EPHA7: variants seen among roughly 807,000 people sequenced by gnomAD.
The protein encoded by EPHA7 is EPH receptor A7, also known as ephrin type-A receptor 7.
EPHA7 carries 25 observed loss-of-function variants against 112.6 expected under a neutral mutation model. The observed-to-expected ratio is 0.22, with a 90% CI of 0.16 to 0.31. EPHA7 has a LOEUF of 0.31. Ranked by LOEUF, EPHA7 falls within the 10% of genes least tolerant of loss-of-function variation. The pLI is 1.00. For missense variants in EPHA7, 962 were observed against 1,212.6 expected (o/e 0.79, Z 3.07); for synonymous variants, 437 against 406.5 (o/e 1.07, Z -0.90).
rs747133463 is a variant in EPHA7, at chr6:93,257,497, A to T, written c.2137T>A (p.Phe713Ile). 3.7e-6 allele frequency: 6 copies of T among 1,611,364 alleles called. No individual in the cohort carries two copies. Among genetic ancestry groups the T allele is most frequent in the Admixed American group, 1.7e-5 (1 of 59,796 alleles). ...GCATCTAGGGCTCCATTTTCCATGA[A>T]CTCTATTACTATCATGACTGGTTTC... ...RGKPVMIVIE[F>I]MENGALDAFL... The change falls in exon 12 of 17, where the codon TTC (phenylalanine) becomes ATC (isoleucine). Residue 713 changes from phenylalanine to isoleucine, a missense_variant. Around this residue, in one of 3 missense-constraint regions of EPHA7, gnomAD observed 746 missense variants for 889.2 expected, o/e 0.84. Coordinates refer to ENST00000369303, the MANE Select transcript of EPHA7 (RefSeq NM_004440.4).
At chr6:93,329,241 A>G (rs141406996) in intron 5 of EPHA7, among the ~76,000 whole-genome samples, 2 of 151,552 alleles carry the variant, frequency 1.3e-5, no homozygotes, top group East Asian at 3.9e-4. Flanking sequence ...ACTGCAGAGT[A>G]TGACCTACAA....
intron 16 of EPHA7, 101 bp from the exon 17 acceptor site, chr6:93,243,641 A>G (rs1769779669): frequency 2.6e-6 from 2 of 770,676 alleles, no homozygotes; most frequent in South Asian, 3.0e-5. Context: ...TCTTAGCCAA[A>G]TAGATCTTAT....
intron 3 of EPHA7, among the ~76,000 whole-genome samples, chr6:93,383,632 C>T (rs1347623424): frequency 6.6e-6 from 1 of 152,118 alleles, no homozygotes; most frequent in African/African-American, 2.4e-5. Context: ...TATTCTGGGA[C>T]TTCTAAGGAG....
chr6:93,323,820 G>C (rs573297868), intron 5 of EPHA7, among the ~76,000 whole-genome samples: 1 of 151,396 alleles, frequency 6.6e-6, no homozygotes, highest in African/African-American at 2.4e-5. Context: ...TCTACCAGCT[G>C]GATCTCCATC....
At chr6:93,280,198 G>T (rs1430044961) in intron 5 of EPHA7, among the ~76,000 whole-genome samples, 1 of 152,110 alleles carries the variant, frequency 6.6e-6, no homozygotes, top group Non-Finnish European at 1.5e-5. Context: ...TAAATCAAGT[G>T]CCAACATATT....
intron 14 of EPHA7, among the ~76,000 whole-genome samples, chr6:93,253,393 CAGTT>C (rs1770301661): frequency 6.6e-6 from 1 of 152,032 alleles, no homozygotes; most frequent in Non-Finnish European, 1.5e-5. Flanking sequence ...GTGGACTTCT[CAGTT>C]AATGAAAAAA....
intron 14 of EPHA7, among the ~76,000 whole-genome samples, chr6:93,253,488 G>A (rs753045528): frequency 3.3e-5 from 5 of 151,900 alleles, no homozygotes; most frequent in Non-Finnish European, 7.4e-5. Context: ...AATCACTACT[G>A]TAAGTTTTAA....
intron 5 of EPHA7, among the ~76,000 whole-genome samples, chr6:93,303,871 C>A (rs1203161226): frequency 1.3e-5 from 2 of 151,986 alleles, no homozygotes; most frequent in East Asian, 3.9e-4. Context: ...TGAATTTTTC[C>A]CCGATTTTTC....
chr6:93,277,905 T>G (rs996952768), intron 5 of EPHA7, among the ~76,000 whole-genome samples: 3 of 151,936 alleles, frequency 2.0e-5, no homozygotes, highest in Non-Finnish European at 4.4e-5. Flanking sequence ...GCATCCTGCA[T>G]AGTGGCCCCA....
chr6:93,248,043 G>A (rs530835327), intron 14 of EPHA7, among the ~76,000 whole-genome samples: 25 of 152,006 alleles, frequency 1.6e-4, no homozygotes, highest in African/African-American at 3.9e-4. Flanking sequence ...AACAGCATTC[G>A]AGGGGGAAGA....
At chr6:93,334,749 A>G (rs1321681713) in intron 5 of EPHA7, among the ~76,000 whole-genome samples, 1 of 152,066 alleles carries the variant, frequency 6.6e-6, no homozygotes, top group East Asian at 1.9e-4. Context: ...TCTGACTCAA[A>G]TCCACAAATA....
chr6:93,387,924 CAGATAGATAGATAGATAGATAGATAGAT>C (rs200554873), intron 3 of EPHA7, among the ~76,000 whole-genome samples: 6 of 145,566 alleles, frequency 4.1e-5, no homozygotes, highest in Admixed American at 6.9e-5. Context: ...GATAGATAGA[CAGATAGATAGATAGATAGATAGATAGAT>C]AGATAGATAG....
chr6:93,385,476 T>G (rs1327989262), intron 3 of EPHA7, among the ~76,000 whole-genome samples: 6 of 152,082 alleles, frequency 3.9e-5, no homozygotes, highest in African/African-American at 1.4e-4. Flanking sequence ...CAGATTGCAT[T>G]TTTTAATTTA....
intron 3 of EPHA7, among the ~76,000 whole-genome samples, chr6:93,360,266 ATTC>A (rs937431205): frequency 2.9e-5 from 4 of 136,218 alleles, no homozygotes; most frequent in Non-Finnish European, 6.3e-5. Context: ...CGGGATGGAA[ATTC>A]TTCTTTTTTA....
chr6:93,275,669 A>G (rs1490631924), intron 5 of EPHA7, among the ~76,000 whole-genome samples: 1 of 152,034 alleles, frequency 6.6e-6, no homozygotes, highest in East Asian at 1.9e-4. Flanking sequence ...CAACAGCATA[A>G]AAACAAAATT....
chr6:93,267,243 G>C (rs1168997483), intron 7 of EPHA7, among the ~76,000 whole-genome samples: 1 of 151,702 alleles, frequency 6.6e-6, no homozygotes, highest in Non-Finnish European at 1.5e-5. Context: ...GAGAAAGGCT[G>C]TGTTTAATAA....
chr6:93,328,477 C>G (rs1294281433), intron 5 of EPHA7, among the ~76,000 whole-genome samples: 1 of 151,368 alleles, frequency 6.6e-6, no homozygotes, highest in Non-Finnish European at 1.5e-5. Flanking sequence ...AAACATTTCA[C>G]TGGTGACTTT....
At chr6:93,305,255 G>C (rs903989353) in intron 5 of EPHA7, among the ~76,000 whole-genome samples, 1 of 150,580 alleles carries the variant, frequency 6.6e-6, no homozygotes, top group African/African-American at 2.4e-5. Flanking sequence ...TAAGCAGGGT[G>C]AACAGTAAAA....
chr6:93,372,561 G>T (rs1776854941), intron 3 of EPHA7, among the ~76,000 whole-genome samples: 1 of 152,202 alleles, frequency 6.6e-6, no homozygotes, highest in Non-Finnish European at 1.5e-5. Flanking sequence ...AGTGTTGAAT[G>T]CTATAAAATA....
Sources: gnomAD v4.1 joint callset for allele counts (sites outside exome capture counted in the v4.1 genomes callset) on GRCh38, gnomAD v4.1.1 for gene constraint, gnomAD v4.1.1 regional missense constraint, MANE v1.5 for transcripts, NCBI Gene and HGNC (gene_info 2026-07-23, HGNC 2026-07-21) for gene names.